The following ABCA13 variants were observed in gnomAD, a reference collection of about 807,000 sequenced individuals.
The protein encoded by ABCA13 is ATP binding cassette subfamily A member 13.
A neutral mutation model predicts 478.7 loss-of-function variants in ABCA13; 476 were observed. The observed-to-expected ratio is 0.99, with a 90% CI of 0.92 to 1.07. The LOEUF (loss-of-function observed/expected upper bound fraction) is 1.07. Among genes scored for constraint, ABCA13 ranks in the 50% least tolerant of loss-of-function variants. The pLI, the probability that ABCA13 is intolerant of heterozygous loss-of-function variation, is 0.00. For synonymous variants in ABCA13, 2,252 were observed against 2,158.9 expected (o/e 1.04, Z -1.20); for missense variants, 6,060 against 5,910.6 (o/e 1.03, Z -0.83).
chr7:48,576,199 C>G (rs1268983921), intron 55 of ABCA13, among the ~76,000 whole-genome samples: 1 of 152,068 alleles, frequency 6.6e-6, no homozygotes, highest in Non-Finnish European at 1.5e-5. Flanking sequence ...AGACCCACCC[C>G]CCATGGATAT....
chr7:48,503,243 T>C (rs1830913384), intron 48 of ABCA13, among the ~76,000 whole-genome samples: 1 of 152,150 alleles, frequency 6.6e-6, no homozygotes, highest in Admixed American at 6.5e-5. Flanking sequence ...CATGCCACCA[T>C]GCCCTGATAA....
intron 41 of ABCA13, among the ~76,000 whole-genome samples, chr7:48,417,059 A>C (rs1668055426): frequency 6.6e-6 from 1 of 151,350 alleles, no homozygotes; most frequent in African/African-American, 2.4e-5. Context: ...ATGTGTCCTT[A>C]TGTAGTTCCT....
At chr7:48,335,158 G>C (rs1244060439) in intron 27 of ABCA13, among the ~76,000 whole-genome samples, 3 of 152,212 alleles carry the variant, frequency 2.0e-5, no homozygotes, top group African/African-American at 7.2e-5. Context: ...GACATATGCT[G>C]TACCCAGCAG....
chr7:48,366,742 T>C (rs185103306), intron 31 of ABCA13, among the ~76,000 whole-genome samples: 79 of 152,248 alleles, frequency 5.2e-4, no homozygotes, highest in African/African-American at 1.9e-3. Context: ...GAGAACTGCA[T>C]TAATCCATTC....
At chr7:48,599,776 C>T (rs1458725215) in intron 58 of ABCA13, among the ~76,000 whole-genome samples, 1 of 152,134 alleles carries the variant, frequency 6.6e-6, no homozygotes, top group Non-Finnish European at 1.5e-5. Context: ...TCCTCTCCCC[C>T]ATCCCCCACA....
At chr7:48,344,032 G>T (rs1356673554) in intron 29 of ABCA13, among the ~76,000 whole-genome samples, 1 of 151,922 alleles carries the variant, frequency 6.6e-6, no homozygotes, top group African/African-American at 2.4e-5. Context: ...CATGTTGAAG[G>T]GTTCACTTAA....
intron 55 of ABCA13, among the ~76,000 whole-genome samples, chr7:48,548,661 G>A (rs941849189): frequency 2.6e-5 from 4 of 151,426 alleles, no homozygotes; most frequent in African/African-American, 9.7e-5. Context: ...TCAAATTTTA[G>A]TTAATATATT....
rs764967885 is a variant in ABCA13 at position 48,298,441 on chromosome 7, A to T, written c.9275A>T (p.Asn3092Ile). The T allele has an allele frequency of 2.5e-6, 4 of 1,613,600 alleles. No homozygotes were observed. The highest frequency in any genetic ancestry group is 1.1e-5 in the South Asian group (1 of 90,984). The change falls in exon 23 of 62, where the codon AAT (asparagine) becomes ATT (isoleucine). Residue 3092 changes from asparagine to isoleucine, a missense_variant. By Grantham distance (149) the Asn-to-Ile change is moderately radical. Coordinates refer to ENST00000435803, the MANE Select transcript of ABCA13 (RefSeq NM_152701.5). ...CTTCGCTCTTCCATCCAAATCTCGA[A>T]TGAGACTATCCATAGCATTCTAGAA... is the stretch of plus-strand genomic sequence containing the variant. Reference protein sequence around the residue: ...EELRSSIQISNETIHSILEAN... With the variant: ...EELRSSIQISIETIHSILEAN...
intron 31 of ABCA13, among the ~76,000 whole-genome samples, chr7:48,365,605 A>G (rs1811540283): frequency 6.6e-6 from 1 of 152,194 alleles, no homozygotes; most frequent in African/African-American, 2.4e-5. Context: ...ATGGCAAGAG[A>G]TAAGGCTCTA....
Position 48,372,161 on chromosome 7 carries a change from T to C in ABCA13, c.10804-7T>C. 1.2e-6 allele frequency: 2 copies of C among 1,605,892 alleles called. No homozygotes were observed. Among genetic ancestry groups the C allele is most frequent in the Admixed American group, 1.7e-5 (1 of 59,310 alleles). On this transcript the variant is annotated splice_polypyrimidine_tract_variant and splice_region_variant and intron_variant, in intron 32 of 61. Transcript: ENST00000435803. ...TGGTAACCTTGGGTTTTTTCTCTTT[T>C]TGGTAGTATATGCGGATGATGGGAG...
rs541787715 is a variant in ABCA13, at chr7:48,264,500, ATT to A, written c.2006-4479_2006-4478del. 4.6e-5 allele frequency among the ~76,000 whole-genome samples: 7 copies of A among 151,908 alleles called. No individual in the cohort carries two copies. In the East Asian group the frequency reaches 1.4e-3, roughly 29 times the overall value. On this transcript the variant is annotated intron_variant, in intron 15 of 61. Coordinates refer to ENST00000435803, the MANE Select transcript of ABCA13 (RefSeq NM_152701.5). ...TCCAATAGATGTGTAGTTGTATGCT[ATT>A]ATGGATTTAATTCGTTTATATGAGT...
chr7:48,238,641 T>C (rs1242219608), intron 8 of ABCA13, among the ~76,000 whole-genome samples: 1 of 152,270 alleles, frequency 6.6e-6, no homozygotes, highest in East Asian at 1.9e-4. Context: ...GCTAATCTTT[T>C]GTATTTTTAG....
intron 27 of ABCA13, among the ~76,000 whole-genome samples, chr7:48,330,721 C>T (rs1805246899): frequency 6.8e-6 from 1 of 147,312 alleles, no homozygotes; most frequent in African/African-American, 2.5e-5. Context: ...ATCCATTTAT[C>T]TATTCATCCA....
At chr7:48,403,139 G>A (rs143878031) in intron 38 of ABCA13, among the ~76,000 whole-genome samples, 2 of 152,250 alleles carry the variant, frequency 1.3e-5, no homozygotes, top group African/African-American at 4.8e-5. Context: ...CAGGACACTT[G>A]TTCTTACATT....
chr7:48,494,711 T>A (rs1442081223), intron 48 of ABCA13, among the ~76,000 whole-genome samples: 1 of 152,028 alleles, frequency 6.6e-6, no homozygotes, highest in Non-Finnish European at 1.5e-5. Flanking sequence ...GAGGAAAATG[T>A]GTGAACCCTA....
intron 55 of ABCA13, among the ~76,000 whole-genome samples, chr7:48,565,652 C>T (rs186653888): frequency 2.0e-5 from 3 of 151,976 alleles, no homozygotes; most frequent in East Asian, 1.9e-4. Flanking sequence ...CAAAACAAAA[C>T]AAAAACAAAA....
intron 27 of ABCA13, among the ~76,000 whole-genome samples, chr7:48,332,442 C>T (rs147606405): frequency 3.9e-5 from 6 of 152,302 alleles, no homozygotes; most frequent in South Asian, 2.1e-4. Context: ...AAATCCACTT[C>T]GACTTAGGTC....
At position 48,274,388 on chromosome 7, in the gene ABCA13, T is replaced by A; in HGVS notation, c.4722T>A (p.Thr1574=). 1 of 1,612,756 alleles carries A rather than the reference T, an allele frequency of 6.2e-7. No homozygotes were observed. The highest frequency in any genetic ancestry group is 2.2e-5 in the East Asian group (1 of 44,860). The change falls in exon 17 of 62, where the codon ACT becomes ACA. Residue 1574 remains threonine (T), a synonymous_variant. Coordinates refer to ENST00000435803, the MANE Select transcript of ABCA13 (RefSeq NM_152701.5). ...TGGAAAATAATTCCTCTTCTAAAAC[T>A]GAAAACTTGTTAAACATATTTGCCA... ...NILENNSSSK[T]ENLLNIFATS...
chr7:48,191,588 G>A (rs1463334196), intron 1 of ABCA13, among the ~76,000 whole-genome samples: 1 of 151,760 alleles, frequency 6.6e-6, no homozygotes, highest in African/African-American at 2.4e-5. Context: ...TTGTATTTTT[G>A]GTAGAGATGC....
Sources: gnomAD v4.1 joint callset for allele counts (sites outside exome capture counted in the v4.1 genomes callset) on GRCh38, gnomAD v4.1.1 for gene constraint, MANE v1.5 for transcripts, NCBI Gene and HGNC (gene_info 2026-07-23, HGNC 2026-07-21) for gene names.